Variants in SIL1 observed in about 807,000 individuals in gnomAD.
SIL1 encodes the protein SIL1 nucleotide exchange factor, also known as nucleotide exchange factor SIL1.
In SIL1, 40 loss-of-function variants were observed where a neutral mutation model predicts 49.1. The ratio of observed to expected loss-of-function variants is 0.81; its 90% confidence interval spans 0.63 to 1.06. SIL1 has a LOEUF of 1.06. SIL1 is among the 50% of genes least tolerant of loss of function. SIL1 has a pLI of 0.00. For missense variants in SIL1, 500 were observed against 572.6 expected, an observed-to-expected ratio of 0.87 and a Z score of 1.29; for synonymous variants, 253 against 250.8, an observed-to-expected ratio of 1.01 and a Z score of -0.08.
intron 3 of SIL1, among the ~76,000 whole-genome samples, chr5:139,112,527 C>G (rs1171661022): frequency 6.6e-6 from 1 of 150,764 alleles, no homozygotes; most frequent in South Asian, 2.1e-4. Context: ...AGCGCCTCTG[C>G]CCGGCCGCCC....
At chr5:138,953,145 G>A (rs112524493) in intron 7 of SIL1, among the ~76,000 whole-genome samples, 1 of 152,242 alleles carries the variant, frequency 6.6e-6, no homozygotes, top group Non-Finnish European at 1.5e-5. Context: ...CTGGCTGCCT[G>A]CCCTTGGCAT....
chr5:139,064,039 A>C (rs1166861370), intron 3 of SIL1, among the ~76,000 whole-genome samples: 1 of 152,230 alleles, frequency 6.6e-6, no homozygotes, highest in African/African-American at 2.4e-5. Context: ...TTCAATTTTT[A>C]ATCCTTTTTT....
chr5:138,961,953 T>C (rs1219921289), intron 7 of SIL1, among the ~76,000 whole-genome samples: 1 of 57,236 alleles, frequency 1.7e-5, no homozygotes. Context: ...TTCTCTAGAC[T>C]TTTTTTTTTT....
In SIL1 at chr5:139,001,413, T is replaced by C. The variant is rs567376047; in HGVS notation, c.767+19758A>G. ...AAGGAGTCATGCACAAGGATACTCA[T>C]TGCAACATTGTGTATAACAGCAAAA... On this transcript the variant is annotated intron_variant, in intron 7 of 9. Transcript: ENST00000394817. Among the ~76,000 whole-genome samples the C allele has an allele frequency of 3.9e-4, 59 of 152,322 alleles. No individual in the cohort carries two copies. The South Asian group carries it at 9.3e-3, about 24-fold the overall frequency.
intron 1 of SIL1, among the ~76,000 whole-genome samples, chr5:139,158,740 T>TA (rs1485842466): frequency 1.3e-5 from 2 of 152,196 alleles, no homozygotes; most frequent in Non-Finnish European, 2.9e-5. Context: ...AATAATTTTT[T>TA]AAAAAAAGAA....
At chr5:139,164,062 TA>T (rs1751569992) in intron 1 of SIL1, among the ~76,000 whole-genome samples, 1 of 132,912 alleles carries the variant, frequency 7.5e-6, no homozygotes, top group Admixed American at 8.3e-5. Context: ...GAGGTTGCAG[TA>T]AGACAAGATC....
intron 7 of SIL1, among the ~76,000 whole-genome samples, chr5:138,992,977 T>C (rs1228852121): frequency 6.6e-6 from 1 of 152,244 alleles, no homozygotes; most frequent in Non-Finnish European, 1.5e-5. Context: ...AACTGAAAGC[T>C]AGCTGAGATG....
At chr5:139,149,020 C>G (rs1384103396) in intron 1 of SIL1, among the ~76,000 whole-genome samples, 1 of 152,130 alleles carries the variant, frequency 6.6e-6, no homozygotes, top group Non-Finnish European at 1.5e-5. Flanking sequence ...ATCACAGACT[C>G]TCACCCTGAA....
intron 2 of SIL1, among the ~76,000 whole-genome samples, chr5:139,127,161 C>T (rs1468506546): frequency 4.6e-5 from 7 of 152,120 alleles, no homozygotes; most frequent in Non-Finnish European, 8.8e-5. Flanking sequence ...CCAGAAAGAA[C>T]AGGGAGCTAC....
chr5:138,961,920 AAC>A (rs1767026755), intron 7 of SIL1, among the ~76,000 whole-genome samples: 1 of 150,206 alleles, frequency 6.7e-6, no homozygotes, highest in Non-Finnish European at 1.5e-5. Flanking sequence ...AGCTTCTCCA[AAC>A]ACAGTCACTT....
intron 1 of SIL1, among the ~76,000 whole-genome samples, chr5:139,150,471 T>C (rs1276240757): frequency 2.6e-5 from 4 of 152,126 alleles, no homozygotes; most frequent in Non-Finnish European, 2.9e-5. Context: ...CCTCCCCCTA[T>C]GCTCCTGTTC....
intron 7 of SIL1, among the ~76,000 whole-genome samples, chr5:138,965,156 C>T (rs1364122877): frequency 6.6e-6 from 1 of 152,184 alleles, no homozygotes; most frequent in Admixed American, 6.5e-5. Flanking sequence ...CCTTTTCTGG[C>T]CTTGCTTGTC....
At chr5:139,130,234 T>C (rs2151797119) in intron 1 of SIL1, among the ~76,000 whole-genome samples, 1 of 152,006 alleles carries the variant, frequency 6.6e-6, no homozygotes, top group South Asian at 2.1e-4. Flanking sequence ...CAGTGAGCTA[T>C]GATAATGCCA....
intron 1 of SIL1, among the ~76,000 whole-genome samples, chr5:139,150,059 G>C (rs927455900): frequency 1.3e-5 from 2 of 152,212 alleles, no homozygotes; most frequent in African/African-American, 4.8e-5. Flanking sequence ...ATTCCTGGCA[G>C]CTCAGTGGTT....
Position 138,947,481 on chromosome 5 carries a change from C to T in SIL1, c.1030-8G>A, listed in dbSNP as rs1469711920. 3.7e-6 allele frequency: 6 copies of T among 1,612,440 alleles called. No homozygotes were observed. The Admixed American group carries it at 6.7e-5, about 18-fold the overall frequency. ...CTCCTCCTCGGCGAACATCTGCCAT[C>T]CGCCACAGCCGCAGGCCAGGTAGGG... is the stretch of plus-strand genomic sequence containing the variant. On this transcript the variant is annotated splice_region_variant and splice_polypyrimidine_tract_variant and intron_variant, in intron 9 of 9. Transcript: ENST00000394817. This position sits in a 1 kb window ranked among gnomAD's most constrained non-coding sequence, Gnocchi z 4.1.
chr5:139,134,670 A>C (rs1693156271), intron 1 of SIL1, among the ~76,000 whole-genome samples: 1 of 152,218 alleles, frequency 6.6e-6, no homozygotes, highest in South Asian at 2.1e-4. Context: ...AACCCGAGGC[A>C]GTTTTCTGCT....
At chr5:138,997,693 G>T (rs1767900972) in intron 7 of SIL1, among the ~76,000 whole-genome samples, 1 of 152,168 alleles carries the variant, frequency 6.6e-6, no homozygotes, top group South Asian at 2.1e-4. Flanking sequence ...CGAATAGCTG[G>T]GACTACAGGC....
At chr5:139,166,612 A>G (rs1751628942) in intron 1 of SIL1, among the ~76,000 whole-genome samples, 1 of 152,200 alleles carries the variant, frequency 6.6e-6, no homozygotes, top group South Asian at 2.1e-4. Context: ...GGCTATCATC[A>G]TGCCATTGCA....
intron 4 of SIL1, among the ~76,000 whole-genome samples, chr5:139,045,591 C>T (rs1215100397): frequency 1.3e-5 from 2 of 152,140 alleles, no homozygotes; most frequent in African/African-American, 2.4e-5. Context: ...CCAACCTCTC[C>T]CCTGAGCACC....
Sources: allele counts gnomAD v4.1 joint callset (sites outside exome capture counted in the v4.1 genomes callset), GRCh38; gene constraint gnomAD v4.1.1; non-coding constraint Gnocchi (gnomAD v3.1); transcripts MANE v1.5; gene names NCBI Gene and HGNC (gene_info 2026-07-23, HGNC 2026-07-21).